MON2: variants seen among roughly 807,000 people sequenced by gnomAD.
MON2 encodes the protein MON2 regulator of endosome-to-Golgi trafficking, also known as protein MON2 homolog.
Under a neutral mutation model 208.6 loss-of-function variants are expected in MON2, and 84 were observed. The observed-to-expected ratio is 0.40, with a 90% CI of 0.34 to 0.48. The LOEUF (loss-of-function observed/expected upper bound fraction) is 0.48, where lower values mean the gene tolerates loss of function less well. Ranked by LOEUF, MON2 falls within the 20% of genes least tolerant of loss-of-function variation. The probability of loss-of-function intolerance (pLI) is 0.59; values close to 1 mark genes in which losing one functional copy is unlikely to be tolerated. For synonymous variants in MON2, 660 were observed against 694.0 expected, an observed-to-expected ratio of 0.95 and a Z score of 0.77; for missense variants, 1,611 against 2,015.4, an observed-to-expected ratio of 0.80 and a Z score of 3.84.
chr12:62,532,340 A>C, intron 11 of MON2, 98 bp from the exon 12 acceptor site: 2 of 883,772 alleles, frequency 2.3e-6, no homozygotes, highest in South Asian at 3.4e-5. Context: ...CTATTCTGTT[A>C]ATCTTAATTT....
rs375839500 is a variant in MON2, at chr12:62,522,279, A to T, written c.985-2236A>T. Among the ~76,000 whole-genome samples, 12 of 152,322 alleles carry T rather than the reference A, an allele frequency of 7.9e-5. No homozygotes were observed. In the East Asian group the frequency reaches 1.7e-3, roughly 22 times the overall value. On this transcript the variant is annotated intron_variant, in intron 8 of 34. Coordinates refer to ENST00000393630, the MANE Select transcript of MON2 (RefSeq NM_015026.3). ...CAATGAGGCTAAATTGCCTTGTCCA[A>T]ACTAATTTTCTACTTCTTCACAGAC...
chr12:62,576,095 T>C (rs1197884254), intron 30 of MON2, among the ~76,000 whole-genome samples: 2 of 152,076 alleles, frequency 1.3e-5, no homozygotes, highest in East Asian at 3.8e-4. Flanking sequence ...AAAGACAAAT[T>C]GAATGTAATG....
chr12:62,585,118 A>C (rs1335690826), intron 32 of MON2, among the ~76,000 whole-genome samples, 176 bp from the exon 33 acceptor site: 1 of 106,194 alleles, frequency 9.4e-6, no homozygotes, highest in East Asian at 2.6e-4. Context: ...CACAAAACAA[A>C]AAAAAACAAA....
At chr12:62,580,505 G>T in intron 32 of MON2, 85 bp downstream of exon 32, 1 of 1,256,172 alleles carries the variant, frequency 8.0e-7, no homozygotes, top group Non-Finnish European at 1.1e-6. Context: ...TATGATTTTG[G>T]TAATGTAAAC....
At chr12:62,585,114 AC>A (rs1243596380) in intron 32 of MON2, among the ~76,000 whole-genome samples, 179 bp from the exon 33 acceptor site, 3,945 of 66,286 alleles carry the variant, frequency 0.06, 493 homozygotes, top group African/African-American at 0.18. Context: ...CACACACAAA[AC>A]AAAAAAAAAC....
intron 1 of MON2, among the ~76,000 whole-genome samples, chr12:62,473,990 A>C (rs922678658): frequency 6.6e-6 from 1 of 151,586 alleles, no homozygotes; most frequent in African/African-American, 2.4e-5. Flanking sequence ...GATGCTGATG[A>C]CTCTTAAATC....
Position 62,585,305 on chromosome 12 carries a change from G to A in MON2, c.4711G>A (p.Asp1571Asn). The A allele has an allele frequency of 6.2e-7, 1 of 1,612,122 alleles. No individual in the cohort carries two copies. The highest frequency in any genetic ancestry group is 8.5e-7 in the Non-Finnish European group (1 of 1,178,738). ...QSSSFTEAEI[D>N]IRLREEFSKM... ...TGTTAATTTTACAGAAGCAGAGATT[G>A]ATATTCGTTTGAGAGAGGAATTTTC... Residue 1571 changes from aspartate (D) to asparagine (N), a missense_variant, in exon 33 of 35, where the codon GAT (aspartate) becomes AAT (asparagine). By Grantham distance (23) the Asp-to-Asn change is conservative. Coordinates refer to ENST00000393630, the MANE Select transcript of MON2 (RefSeq NM_015026.3).
intron 29 of MON2, among the ~76,000 whole-genome samples, chr12:62,570,659 A>G (rs1297691037): frequency 6.8e-6 from 1 of 147,484 alleles, no homozygotes; most frequent in East Asian, 2.1e-4. Flanking sequence ...CCCTTTGCAT[A>G]TGGGATATCC....
chr12:62,482,707 A>G (rs2069519043), intron 1 of MON2: 1 of 152,242 alleles, frequency 6.6e-6, no homozygotes, highest in South Asian at 2.1e-4. Context: ...CTACAGATGT[A>G]ATACATATAC....
intron 8 of MON2, among the ~76,000 whole-genome samples, chr12:62,516,168 C>T (rs1270049653): frequency 6.6e-6 from 1 of 152,088 alleles, no homozygotes; most frequent in African/African-American, 2.4e-5. Context: ...ATTAGCCAGG[C>T]ACAGAAAGAC....
At chr12:62,492,055 A>G (rs930644333) in intron 2 of MON2, among the ~76,000 whole-genome samples, 3 of 152,226 alleles carry the variant, frequency 2.0e-5, no homozygotes, top group Non-Finnish European at 2.9e-5. Context: ...TTTTGGGAAC[A>G]CTGTTCATTG....
chr12:62,558,958 A>G (rs1033543791), intron 25 of MON2, among the ~76,000 whole-genome samples: 1 of 152,252 alleles, frequency 6.6e-6, no homozygotes, highest in South Asian at 2.1e-4. Flanking sequence ...TTGGCCTTCC[A>G]AAGTGCAGGG....
chr12:62,510,226 A>G (rs1039270911), intron 8 of MON2, among the ~76,000 whole-genome samples: 1 of 152,218 alleles, frequency 6.6e-6, no homozygotes, highest in Non-Finnish European at 1.5e-5. Context: ...TCTACCAAAC[A>G]TTGAAAGAAC....
intron 2 of MON2, chr12:62,490,253 C>T (rs2070042152): frequency 6.5e-6 from 1 of 153,578 alleles, no homozygotes; most frequent in Admixed American, 6.5e-5. Flanking sequence ...TCTTTTATCC[C>T]TCTCCGTAAC....
chr12:62,532,520 C>A lies in MON2; in HGVS notation c.1483C>A (p.Leu495Ile). Reference sequence around the variant, plus strand: ...TGTGGCATTCCATTGTTTGCTAGACCTTGTTCGTGGAATCACAAGTATGAT... The same window carrying A: ...TGTGGCATTCCATTGTTTGCTAGACATTGTTCGTGGAATCACAAGTATGAT... The part of the protein sequence containing the change: ...MSVAFHCLLD[L>I]VRGITSMIEG... Residue 495 changes from leucine to isoleucine, a missense_variant, in exon 12 of 35, where the codon CTT (leucine) becomes ATT (isoleucine). By Grantham distance (5) the Leu-to-Ile change is conservative. Transcript: ENST00000393630. The A allele has an allele frequency of 6.2e-7, 1 of 1,613,958 alleles. No individual in the cohort carries two copies. The highest frequency in any genetic ancestry group is 8.5e-7 in the Non-Finnish European group (1 of 1,179,960).
chr12:62,539,860 T>C (rs544675690), intron 19 of MON2, among the ~76,000 whole-genome samples: 1 of 151,856 alleles, frequency 6.6e-6, no homozygotes, highest in South Asian at 2.1e-4. Flanking sequence ...CTACTAAAAA[T>C]ACAAAAATTA....
At chr12:62,498,289 T>G (rs975594267) in intron 4 of MON2, among the ~76,000 whole-genome samples, 1 of 152,172 alleles carries the variant, frequency 6.6e-6, no homozygotes, top group Non-Finnish European at 1.5e-5. Flanking sequence ...TGTCCATTGA[T>G]CTGCAGTGAA....
rs1437024177 is a variant in MON2, at chr12:62,537,166, G to A, written c.1916G>A (p.Gly639Asp). 1.2e-6 allele frequency: 2 copies of A among 1,610,060 alleles called. No homozygotes were observed. The highest frequency in any genetic ancestry group is 1.7e-6 in the Non-Finnish European group (2 of 1,177,456). ...TGTGTTCTAGCATATTCCGTTCAGG[G>A]CCAAAGTGTTATGATGATAAGTCCA... The part of the protein sequence containing the change: ...TLSNKSYSVQ[G>D]QSVMMISPSS... The change falls in exon 15 of 35, where the codon GGC becomes GAC. Residue 639 changes from glycine (G) to aspartate (D), a missense_variant. By Grantham distance (94) the Gly-to-Asp change is moderately conservative. Coordinates refer to ENST00000393630, the MANE Select transcript of MON2 (RefSeq NM_015026.3).
chr12:62,488,877 C>T (rs1476390531), intron 2 of MON2, among the ~76,000 whole-genome samples: 1 of 151,852 alleles, frequency 6.6e-6, no homozygotes, highest in African/African-American at 2.4e-5. Flanking sequence ...GGAGGGATAG[C>T]ATTAGAAGAA....
Sources: gnomAD v4.1 joint callset for allele counts (sites outside exome capture counted in the v4.1 genomes callset) on GRCh38, gnomAD v4.1.1 for gene constraint, MANE v1.5 for transcripts, NCBI Gene and HGNC (gene_info 2026-07-23, HGNC 2026-07-21) for gene names.